SPG7: variants seen among roughly 807,000 people sequenced by gnomAD.
SPG7 encodes mitochondrial inner membrane m-AAA protease component paraplegin.
Under a neutral mutation model 81.9 loss-of-function variants are expected in SPG7, and 103 were observed. The observed-to-expected ratio is 1.26, with a 90% CI of 1.07 to 1.48. SPG7 has a LOEUF of 1.48. Among genes scored for constraint, SPG7 ranks in the 40% most tolerant of loss-of-function variants. The pLI is 0.00. For missense variants in SPG7, 1,241 were observed against 1,087.3 expected (o/e 1.14, Z -1.99); for synonymous variants, 534 against 444.2 (o/e 1.20, Z -2.54).
chr16:89,523,888 T>C (rs748592568), intron 3 of SPG7, 118 bp from the exon 4 acceptor site: 14 of 1,282,256 alleles, frequency 1.1e-5, no homozygotes, highest in Admixed American at 1.9e-5. Context: ...GTGCAGGATC[T>C]TCTGTGCAGG....
At chr16:89,517,280 T>A (rs2058111541) in intron 3 of SPG7, 1 of 139,694 alleles carries the variant, frequency 7.2e-6, no homozygotes, top group Non-Finnish European at 1.6e-5. Context: ...TTGTCATGGT[T>A]CCTGGAGGGA....
chr16:89,516,246 C>T (rs942559610), intron 3 of SPG7, among the ~76,000 whole-genome samples: 10 of 151,754 alleles, frequency 6.6e-5, no homozygotes, highest in Admixed American at 3.3e-4. Flanking sequence ...CCTTGGTCTC[C>T]GAAAGTGCTG....
In SPG7 at chr16:89,530,712, T is replaced by A. The variant is rs773162353; in HGVS notation, c.891T>A (p.Ile297=). The change falls in exon 7 of 17, where the codon ATT becomes ATA. Residue 297 remains isoleucine, a synonymous_variant. Coordinates refer to ENST00000645818, the MANE Select transcript of SPG7 (RefSeq NM_003119.4). ...AGCTTAAAATGGCTCGTTTCACCAT[T>A]GTGGATGGGAAGATGGGGAAAGGAG... The part of the protein sequence containing the change: ...FNQLKMARFT[I]VDGKMGKGVS... 7 of 1,613,942 alleles carry A rather than the reference T, an allele frequency of 4.3e-6. No homozygotes were observed. The Admixed American group carries it at 1.0e-4, about 23-fold the overall frequency.
Position 89,526,349 on chromosome 16 carries a change from A to G in SPG7, c.639A>G (p.Arg213=). ...FGRPRLALMY[R]MQVANIDKFE... The stretch of plus-strand genomic sequence containing the variant: ...CCCAGCGGCTAGCCTTGATGTACCG[A>G]ATGCAGGTTGCAAATATTGACAAGT... Residue 213 remains arginine, a synonymous_variant, in exon 5 of 17, where the codon CGA becomes CGG. Transcript: ENST00000645818. 3.7e-6 allele frequency: 6 copies of G among 1,614,148 alleles called. No homozygotes were observed. Among genetic ancestry groups the G allele is most frequent in the Non-Finnish European group, 5.1e-6 (6 of 1,180,010 alleles).
chr16:89,555,927 G>A (rs984925911), intron 16 of SPG7: 1 of 398,798 alleles, frequency 2.5e-6, no homozygotes, highest in Non-Finnish European at 4.4e-6. Context: ...TTAGACTGTC[G>A]TCCCCAGCCA....
At chr16:89,510,716 G>C (rs2058008879) in intron 2 of SPG7, 124 bp downstream of exon 2, 1 of 705,752 alleles carries the variant, frequency 1.4e-6, no homozygotes, top group African/African-American at 1.7e-5. Context: ...CTGGAGTGCA[G>C]TACAATGGTG....
At chr16:89,532,301 T>G (rs1469585438) in intron 8 of SPG7, among the ~76,000 whole-genome samples, 162 bp from the exon 9 acceptor site, 1 of 152,156 alleles carries the variant, frequency 6.6e-6, no homozygotes, top group Non-Finnish European at 1.5e-5. Context: ...CCCTGAGGGG[T>G]GGCCAGGGGC....
At chr16:89,555,606 C>T (rs1049430039) in intron 16 of SPG7, 3 of 336,158 alleles carry the variant, frequency 8.9e-6, no homozygotes, top group African/African-American at 2.1e-5. Flanking sequence ...TCTTAGGCTC[C>T]TCTGGGGTGA....
At position 89,519,926 on chromosome 16, in the gene SPG7, G is replaced by A. The variant is rs527427476; in HGVS notation, c.377-4080G>A. The A allele has an allele frequency of 3.9e-5, 6 of 152,344 alleles. No homozygotes were observed. The East Asian group carries it at 1.2e-3, about 29-fold the overall frequency. The allele number at this position is 152,344 out of a possible 1,614,324, so 9.4% of individuals were successfully genotyped here. Reference sequence around the variant, plus strand: ...GTTTTTAGATGACTGATTGAAGTGAGTTATGTGATCATAATATCTAATTGT... The same window carrying A: ...GTTTTTAGATGACTGATTGAAGTGAATTATGTGATCATAATATCTAATTGT... On this transcript the variant is annotated intron_variant, in intron 3 of 16. Transcript: ENST00000645818.
At position 89,556,924 on chromosome 16, in the gene SPG7, A is replaced by G. The variant is rs770661102; in HGVS notation, c.2219A>G (p.Tyr740Cys). ...NALLEKEVIN[Y>C]EDIEALIGPP... ...CTTCTGGAAAAGGAAGTGATAAACT[A>G]TGAGGACATTGAGGCTCTCATTGGC... is the stretch of plus-strand genomic sequence containing the variant. The change falls in exon 17 of 17, where the codon TAT (tyrosine) becomes TGT (cysteine). Residue 740 changes from tyrosine to cysteine, a missense_variant. Coordinates refer to ENST00000645818, the MANE Select transcript of SPG7 (RefSeq NM_003119.4). 67 of 1,614,076 alleles carry G rather than the reference A, an allele frequency of 4.2e-5. No homozygotes were observed. In the East Asian group the frequency reaches 4.2e-4, roughly 10 times the overall value.
chr16:89,513,000 G>A lies in SPG7; in HGVS notation c.339G>A (p.Lys113=), dbSNP rs774684898. 6.2e-7 allele frequency: 1 copy of A among 1,613,046 alleles called. No homozygotes were observed. The highest frequency in any genetic ancestry group is 1.3e-5 in the African/African-American group (1 of 74,894). The stretch of plus-strand genomic sequence containing the variant: ...GGTTGAAGCAGAAGAATAAGGAGAA[G>A]GATAAGTCGAAGGGGAAGGCGCCTG... ...TSRLKQKNKE[K]DKSKGKAPEE... The change falls in exon 3 of 17, where the codon AAG becomes AAA. Residue 113 remains lysine (K), a synonymous_variant. Coordinates refer to ENST00000645818, the MANE Select transcript of SPG7 (RefSeq NM_003119.4).
intron 12 of SPG7, chr16:89,548,969 G>A (rs778267964): frequency 3.1e-5 from 14 of 454,800 alleles, no homozygotes; most frequent in African/African-American, 1.0e-4. Context: ...GCACGAACAC[G>A]CCTCTTGCAG....
At chr16:89,520,854 T>A (rs1360336525) in intron 3 of SPG7, 1 of 152,202 alleles carries the variant, frequency 6.6e-6, no homozygotes, top group Non-Finnish European at 1.5e-5. Flanking sequence ...TGGAATTTCT[T>A]ATGGTTCGTT....
At chr16:89,510,957 C>T (rs1247741949) in intron 2 of SPG7, among the ~76,000 whole-genome samples, 3 of 152,164 alleles carry the variant, frequency 2.0e-5, no homozygotes, top group Non-Finnish European at 2.9e-5. Flanking sequence ...CTCAGCCTTC[C>T]ATAGAGCCAG....
rs140769107 is a variant in SPG7, at chr16:89,556,980, G to C, written c.2275G>C (p.Ala759Pro). The C allele has an allele frequency of 6.2e-7, 1 of 1,613,728 alleles. No homozygotes were observed. Among genetic ancestry groups the C allele is most frequent in the Non-Finnish European group, 8.5e-7 (1 of 1,179,854 alleles). The change falls in exon 17 of 17, where the codon GCA (alanine) becomes CCA (proline). Residue 759 changes from alanine (A) to proline (P), a missense_variant. By Grantham distance (27) the Ala-to-Pro change is conservative (BLOSUM62 -1). Transcript: ENST00000645818. Reference protein sequence around the residue: ...PPPHGPKKMIAPQRWIDAQRE... With the variant: ...PPPHGPKKMIPPQRWIDAQRE... Reference sequence around the variant, plus strand: ...GCCCCATGGGCCGAAGAAAATGATCGCACCGCAGAGGTGGATCGACGCCCA... The same window carrying C: ...GCCCCATGGGCCGAAGAAAATGATCCCACCGCAGAGGTGGATCGACGCCCA...
rs780508442 is a variant in SPG7 at position 89,524,127 on chromosome 16, C to A, written c.498C>A (p.Ser166=). 6.8e-6 allele frequency: 11 copies of A among 1,614,124 alleles called. No homozygotes were observed. Among genetic ancestry groups the A allele is most frequent in the Non-Finnish European group, 9.3e-6 (11 of 1,180,038 alleles). The change falls in exon 4 of 17, where the codon TCC becomes TCA. Residue 166 remains serine, a synonymous_variant. Transcript: ENST00000645818. ...TCAGCACCAGCGGAGGCAGCATTTC[C>A]TGGAACGACTTTGTCCACGAGATGC... The part of the protein sequence containing the change: ...NALSTSGGSI[S]WNDFVHEMLA...
rs3803676 is a variant in SPG7 at position 89,529,698 on chromosome 16, C to G, written c.861+119C>G. The stretch of plus-strand genomic sequence containing the variant: ...ACCTGTTGCAGAGAGTAGCCTGAAG[C>G]CACAATTAGACAGCAGCTCACCTTC... On this transcript the variant is annotated intron_variant, in intron 6 of 16. Coordinates refer to ENST00000645818, the MANE Select transcript of SPG7 (RefSeq NM_003119.4). 3 of 774,764 alleles carry G rather than the reference C, an allele frequency of 3.9e-6. No individual in the cohort carries two copies. The East Asian group carries it at 8.0e-5, about 21-fold the overall frequency. 48.0% of individuals were successfully genotyped at this position (774,764 alleles called of 1,614,324 possible).
chr16:89,548,560 C>G (rs529619495), intron 12 of SPG7: 2 of 314,958 alleles, frequency 6.4e-6, no homozygotes, highest in Non-Finnish European at 1.2e-5. Context: ...AGGGGCTCTG[C>G]GGAGAGGTGT....
chr16:89,527,549 C>T (rs1292940852), intron 5 of SPG7, among the ~76,000 whole-genome samples: 6 of 152,182 alleles, frequency 3.9e-5, no homozygotes, highest in Non-Finnish European at 8.8e-5. Context: ...TGATAATGTC[C>T]TGGGCTTGCT....
Sources: allele counts gnomAD v4.1 joint callset (sites outside exome capture counted in the v4.1 genomes callset), GRCh38; gene constraint gnomAD v4.1.1; transcripts MANE v1.5; gene names NCBI Gene and HGNC (gene_info 2026-07-23, HGNC 2026-07-21).